FNDC8: variants seen among roughly 807,000 people sequenced by gnomAD.
FNDC8 encodes the protein fibronectin type III domain-containing protein 8.
A neutral mutation model predicts 24.8 loss-of-function variants in FNDC8; 23 were observed. That is an observed-to-expected ratio of 0.93 (90% CI 0.67 to 1.31). The LOEUF is 1.31. Among genes scored for constraint, FNDC8 ranks in the 40% most tolerant of loss-of-function variants. FNDC8 has a pLI of 0.00. For synonymous variants in FNDC8, 158 were observed against 165.3 expected (o/e 0.96, Z 0.34); for missense variants, 371 against 398.2 (o/e 0.93, Z 0.58).
At chr17:35,124,818 C>T (rs1422308927) in intron 1 of FNDC8, among the ~76,000 whole-genome samples, 1 of 151,640 alleles carries the variant, frequency 6.6e-6, no homozygotes, top group Non-Finnish European at 1.5e-5. Flanking sequence ...GAGGCTGAGG[C>T]CGGCAAATCA....
Position 35,130,265 on chromosome 17 carries a change from T to C in FNDC8, c.823-17T>C. On this transcript the variant is annotated splice_polypyrimidine_tract_variant and intron_variant, in intron 3 of 3. Transcript: ENST00000158009. ...ATCTGGGAAGGAACTCTGAAGGGTTTTCTTGTTTCACTTCAGTTTGCAACC... is the reference window on the plus strand; with the variant it reads ...ATCTGGGAAGGAACTCTGAAGGGTTCTCTTGTTTCACTTCAGTTTGCAACC... 6.2e-7 allele frequency: 1 copy of C among 1,612,208 alleles called. No individual in the cohort carries two copies. The highest frequency in any genetic ancestry group is 2.2e-5 in the East Asian group (1 of 44,826).
At position 35,129,478 on chromosome 17, in the gene FNDC8, A is replaced by G; in HGVS notation, c.642A>G (p.Leu214=). ...KQPVSFYQLL[L]QEVAKTQENE... ...CGGTCAGTTTCTACCAGCTCCTGTT[A>G]CAGGAGGTGGCCAAGACACAGGAGA... The change falls in exon 3 of 4, where the codon TTA becomes TTG. Residue 214 remains leucine (L), a synonymous_variant. Transcript: ENST00000158009. 2 of 1,614,216 alleles carry G rather than the reference A, an allele frequency of 1.2e-6. No individual in the cohort carries two copies. Among genetic ancestry groups the G allele is most frequent in the Non-Finnish European group, 1.7e-6 (2 of 1,180,036 alleles).
At chr17:35,127,814 G>A (rs777360983) in intron 2 of FNDC8, among the ~76,000 whole-genome samples, 14 of 152,180 alleles carry the variant, frequency 9.2e-5, no homozygotes, top group Non-Finnish European at 2.1e-4. Context: ...CAAGATGGTA[G>A]GTGATCTGTA....
chr17:35,130,115 C>A, intron 3 of FNDC8, 167 bp from the exon 4 acceptor site: 1 of 1,438,468 alleles, frequency 7.0e-7, no homozygotes, highest in Non-Finnish European at 9.1e-7. Flanking sequence ...GAGGTACAGG[C>A]TTGAGTCATG....
At chr17:35,122,207 T>TA (rs869167870) in intron 1 of FNDC8, among the ~76,000 whole-genome samples, 1 of 7,686 alleles carries the variant, frequency 1.3e-4, no homozygotes, top group Non-Finnish European at 2.2e-4. Flanking sequence ...TATATATATA[T>TA]AAATTTTTTT....
At position 35,127,389 on chromosome 17, in the gene FNDC8, A is replaced by G. The variant is rs2091853698; in HGVS notation, c.557A>G (p.Glu186Gly). 26 of 1,570,306 alleles carry G rather than the reference A, an allele frequency of 1.7e-5. No homozygotes were observed. Among genetic ancestry groups the G allele is most frequent in the Non-Finnish European group, 2.2e-5 (26 of 1,158,874 alleles). ...CTGCCGGACACCCCCTTCATCTTTG[A>G]GCACACCGTCAACAATTCCACAGCT... Reference protein sequence around the residue: ...VDLPDTPFIFEHTVNNSTAVI... With the variant: ...VDLPDTPFIFGHTVNNSTAVI... Residue 186 changes from glutamate to glycine, a missense_variant, in exon 2 of 4, where the codon GAG (glutamate) becomes GGG (glycine). Coordinates refer to ENST00000158009, the MANE Select transcript of FNDC8 (RefSeq NM_017559.4).
rs761893208 is a variant in FNDC8, at chr17:35,130,272, T to A, written c.823-10T>A. On this transcript the variant is annotated splice_polypyrimidine_tract_variant and intron_variant, in intron 3 of 3. Coordinates refer to ENST00000158009, the MANE Select transcript of FNDC8 (RefSeq NM_017559.4). The stretch of plus-strand genomic sequence containing the variant: ...AAGGAACTCTGAAGGGTTTTCTTGT[T>A]TCACTTCAGTTTGCAACCCTGGCCA... 1 of 1,612,780 alleles carries A rather than the reference T, an allele frequency of 6.2e-7. No individual in the cohort carries two copies. The highest frequency in any genetic ancestry group is 1.7e-5 in the Admixed American group (1 of 59,772).
chr17:35,129,547 G>T lies in FNDC8; in HGVS notation c.711G>T (p.Lys237Asn), dbSNP rs1419553690. The T allele has an allele frequency of 6.2e-7, 1 of 1,614,188 alleles. No individual in the cohort carries two copies. The highest frequency in any genetic ancestry group is 1.7e-5 in the Admixed American group (1 of 60,028). The change falls in exon 3 of 4, where the codon AAG becomes AAT. Residue 237 changes from lysine to asparagine, a missense_variant. Coordinates refer to ENST00000158009, the MANE Select transcript of FNDC8 (RefSeq NM_017559.4). ...EAKNRPWIFN[K>N]ILGTTVKLME... ...AGAATCGTCCATGGATCTTCAACAA[G>T]ATTTTGGGCACTACTGTCAAGCTGA...
In FNDC8 at chr17:35,127,259, C is replaced by T; in HGVS notation, c.427C>T (p.Pro143Ser). The T allele has an allele frequency of 1.2e-6, 2 of 1,613,982 alleles. No homozygotes were observed. Among genetic ancestry groups the T allele is most frequent in the Non-Finnish European group, 1.7e-6 (2 of 1,179,934 alleles). ...CCTGGCGCTCGGCCCCTGCCCATGC[C>T]CATCGAAGTCCCAGATGGCCACAAG... ...EDLALGPCPC[P>S]SKSQMATRGL... The change falls in exon 2 of 4, where the codon CCA becomes TCA. Residue 143 changes from proline (P) to serine (S), a missense_variant. Pro to Ser is a moderately conservative substitution (Grantham distance 74, BLOSUM62 -1). Coordinates refer to ENST00000158009, the MANE Select transcript of FNDC8 (RefSeq NM_017559.4).
At chr17:35,121,987 C>CTTTT in intron 1 of FNDC8, 85 bp downstream of exon 1, 4 of 637,506 alleles carry the variant, frequency 6.3e-6, no homozygotes, top group Non-Finnish European at 9.4e-6. Context: ...TCCTTCCTTC[C>CTTTT]TTTTTTTTTT....
intron 1 of FNDC8, among the ~76,000 whole-genome samples, chr17:35,125,139 A>C (rs1296867405): frequency 6.6e-6 from 1 of 151,998 alleles, no homozygotes; most frequent in Non-Finnish European, 1.5e-5. Context: ...GTAATAGCAA[A>C]CATCTCATAA....
Position 35,129,372 on chromosome 17 carries a change from G to A in FNDC8, c.586-50G>A, listed in dbSNP as rs752319824. On this transcript the variant is annotated intron_variant, in intron 2 of 3. Coordinates refer to ENST00000158009, the MANE Select transcript of FNDC8 (RefSeq NM_017559.4). The stretch of plus-strand genomic sequence containing the variant: ...CCCCAGTTGGGAGGGTGAAGGGACA[G>A]GAAGGACAGGACATATCTGAGGAAG... The A allele has an allele frequency of 2.5e-6, 4 of 1,588,176 alleles. No homozygotes were observed. The South Asian group carries it at 4.6e-5, about 18-fold the overall frequency.
chr17:35,124,147 G>A (rs1484087002), intron 1 of FNDC8, among the ~76,000 whole-genome samples: 1 of 152,162 alleles, frequency 6.6e-6, no homozygotes, highest in Non-Finnish European at 1.5e-5. Context: ...AGACCTGGGA[G>A]GCTGGATGGG....
intron 2 of FNDC8, chr17:35,128,696 GATA>G (rs1395247016): frequency 6.5e-6 from 1 of 153,474 alleles, no homozygotes; most frequent in African/African-American, 2.4e-5. Flanking sequence ...TTTCATGGAA[GATA>G]ATTTTTCCAT....
intron 1 of FNDC8, among the ~76,000 whole-genome samples, chr17:35,124,293 G>T (rs1030884657): frequency 1.6e-4 from 24 of 152,126 alleles, no homozygotes; most frequent in Non-Finnish European, 7.3e-5. Flanking sequence ...ACTTTGGAAG[G>T]CCAAGGCGGG....
chr17:35,125,558 G>A (rs367771668), intron 1 of FNDC8, among the ~76,000 whole-genome samples: 4 of 152,356 alleles, frequency 2.6e-5, no homozygotes, highest in Admixed American at 2.0e-4. Context: ...ATGGGTATGT[G>A]CTGAATAATA....
intron 1 of FNDC8, among the ~76,000 whole-genome samples, chr17:35,124,827 C>T (rs1392174819): frequency 2.0e-5 from 3 of 151,876 alleles, no homozygotes; most frequent in African/African-American, 7.3e-5. Context: ...GCCGGCAAAT[C>T]ATCTGAGGTC....
At position 35,127,320 on chromosome 17, in the gene FNDC8, C is replaced by G. The variant is rs770942784; in HGVS notation, c.488C>G (p.Thr163Arg). The G allele has an allele frequency of 3.7e-6, 6 of 1,613,204 alleles. No homozygotes were observed. The highest frequency in any genetic ancestry group is 1.3e-5 in the African/African-American group (1 of 74,902). The change falls in exon 2 of 4, where the codon ACA becomes AGA. Residue 163 changes from threonine (T) to arginine (R), a missense_variant. Transcript: ENST00000158009. ...LLDLDNPELE[T>R]ETSSTHSESS... is the part of the protein sequence containing the mutation. ...GACCTTGACAACCCTGAGCTGGAGA[C>G]AGAAACCTCCTCAACGCACTCAGAA...
At chr17:35,128,657 G>A (rs2091859008) in intron 2 of FNDC8, 1 of 153,832 alleles carries the variant, frequency 6.5e-6, no homozygotes, top group African/African-American at 2.4e-5. Context: ...ACAGAGTCTA[G>A]AACCAACCTT....
Sources: gnomAD v4.1 joint callset for allele counts (sites outside exome capture counted in the v4.1 genomes callset) on GRCh38, gnomAD v4.1.1 for gene constraint, MANE v1.5 for transcripts, NCBI Gene and HGNC (gene_info 2026-07-23, HGNC 2026-07-21) for gene names.